The following TRHDE variants were observed in gnomAD, a reference collection of about 807,000 sequenced individuals.
The protein encoded by TRHDE is thyrotropin releasing hormone degrading enzyme.
A neutral mutation model predicts 125.7 loss-of-function variants in TRHDE; 72 were observed. The observed-to-expected ratio is 0.57, with a 90% confidence interval of 0.47 to 0.70. The LOEUF (loss-of-function observed/expected upper bound fraction) is 0.70, where lower values mean the gene tolerates loss of function less well. Ranked by LOEUF, TRHDE falls within the 30% of genes least tolerant of loss-of-function variation. The probability of loss-of-function intolerance (pLI) is 0.00; values close to 1 mark genes in which losing one functional copy is unlikely to be tolerated. For missense variants in TRHDE, 1,110 were observed against 1,327.1 expected, an observed-to-expected ratio of 0.84 and a Z score of 2.54; for synonymous variants, 509 against 509.1, an observed-to-expected ratio of 1.00 and a Z score of 0.00.
At chr12:72,652,674 TGA>T (rs10610816) in intron 16 of TRHDE, among the ~76,000 whole-genome samples, 185 bp downstream of exon 16, 21,866 of 151,550 alleles carry the variant, frequency 0.14, 2,153 homozygotes, top group East Asian at 0.54. Context: ...TATCTTTTTA[TGA>T]GTATTTATTT....
At chr12:72,374,935 G>T (rs1316873469) in intron 2 of TRHDE, among the ~76,000 whole-genome samples, 1 of 152,146 alleles carries the variant, frequency 6.6e-6, no homozygotes, top group Non-Finnish European at 1.5e-5. Context: ...TAACTGACAT[G>T]TTCACCTTGG....
chr12:72,316,729 A>G (rs1868821128), intron 2 of TRHDE, among the ~76,000 whole-genome samples: 1 of 152,222 alleles, frequency 6.6e-6, no homozygotes, highest in Admixed American at 6.5e-5. Flanking sequence ...AGATCCCATC[A>G]TATGAATATG....
intron 2 of TRHDE, among the ~76,000 whole-genome samples, chr12:72,227,157 G>A (rs1487323238): frequency 1.3e-5 from 2 of 152,114 alleles, no homozygotes; most frequent in African/African-American, 4.8e-5. Context: ...AAATAACAGA[G>A]TAGATATTAA....
At chr12:72,213,521 C>T (rs547476388) in intron 2 of TRHDE, among the ~76,000 whole-genome samples, 5 of 152,250 alleles carry the variant, frequency 3.3e-5, no homozygotes, top group Non-Finnish European at 5.9e-5. Context: ...GAAACAGTGA[C>T]TTGCCCAAGG....
intron 13 of TRHDE, 55 bp downstream of exon 13, chr12:72,619,093 C>T: frequency 7.5e-7 from 1 of 1,329,878 alleles, no homozygotes; most frequent in Non-Finnish European, 1.0e-6. Context: ...ATTTTATTCT[C>T]TTTCTACTAT....
intron 3 of TRHDE, among the ~76,000 whole-genome samples, chr12:72,451,860 G>T (rs1046586191): frequency 5.3e-5 from 8 of 151,678 alleles, no homozygotes; most frequent in African/African-American, 1.2e-4. Flanking sequence ...ATGGCATCTT[G>T]CTCTGTTGGC....
intron 2 of TRHDE, among the ~76,000 whole-genome samples, chr12:72,365,484 A>C (rs1871303768): frequency 6.6e-6 from 1 of 152,104 alleles, no homozygotes; most frequent in South Asian, 2.1e-4. Context: ...CACTTGGAGA[A>C]AAATAACTGT....
At chr12:72,584,616 T>C (rs1162830427) in intron 12 of TRHDE, among the ~76,000 whole-genome samples, 1 of 152,194 alleles carries the variant, frequency 6.6e-6, no homozygotes, top group African/African-American at 2.4e-5. Context: ...TGAGATCATC[T>C]TTTTTAGATT....
chr12:72,414,887 A>G lies in TRHDE; in HGVS notation c.1315+36766A>G, dbSNP rs1175665181. Among the ~76,000 whole-genome samples the G allele has an allele frequency of 8.5e-5, 13 of 152,208 alleles. No individual in the cohort carries two copies. In the South Asian group the frequency reaches 2.7e-3, roughly 32 times the overall value. ...TGTTACTATGCTTTTATTTTTAATG[A>G]AAAAACTGCGATTCAGAAAATTTAA... On this transcript the variant is annotated intron_variant, in intron 3 of 18. Coordinates refer to ENST00000261180, the MANE Select transcript of TRHDE (RefSeq NM_013381.3).
chr12:72,415,298 T>C (rs370444298), intron 3 of TRHDE, among the ~76,000 whole-genome samples: 114 of 152,256 alleles, frequency 7.5e-4, no homozygotes, highest in African/African-American at 2.3e-3. Context: ...GATATTTTGA[T>C]ACAGGCATAC....
intron 2 of TRHDE, among the ~76,000 whole-genome samples, chr12:72,340,980 G>A (rs1424543781): frequency 6.6e-6 from 1 of 152,038 alleles, no homozygotes; most frequent in African/African-American, 2.4e-5. Context: ...ACCCAGCTAA[G>A]CCATGGTATT....
intron 2 of TRHDE, among the ~76,000 whole-genome samples, chr12:72,187,310 AACACACACACACACACACACACAC>A (rs59164233): frequency 0.02 from 2,589 of 131,338 alleles, 75 homozygotes; most frequent in Admixed American, 0.074. Flanking sequence ...AGAGAAACAC[AACACACACACACACACACACACAC>A]ACACACACAC....
chr12:72,203,058 T>C (rs1202803264), intron 2 of TRHDE, among the ~76,000 whole-genome samples: 3 of 152,196 alleles, frequency 2.0e-5, no homozygotes, highest in Admixed American at 2.0e-4. Flanking sequence ...TGCTATCTCT[T>C]ACACATAGTG....
intron 17 of TRHDE, among the ~76,000 whole-genome samples, chr12:72,653,916 C>T (rs1592598321): frequency 6.6e-6 from 1 of 152,100 alleles, no homozygotes; most frequent in South Asian, 2.1e-4. Context: ...TTTAAGCATA[C>T]CTTCATCAGT....
At chr12:72,274,396 C>G (rs12306541) in intron 1 of TRHDE, 1 of 151,994 alleles carries the variant, frequency 6.6e-6, no homozygotes, top group Non-Finnish European at 1.5e-5. Context: ...AAAAAATTTC[C>G]GAGAGGCCGT....
intron 10 of TRHDE, among the ~76,000 whole-genome samples, chr12:72,573,484 A>C (rs546764255): frequency 6.6e-6 from 1 of 152,054 alleles, no homozygotes; most frequent in East Asian, 1.9e-4. Context: ...AGTACATATA[A>C]ATGTCTTCTT....
intron 1 of TRHDE, among the ~76,000 whole-genome samples, chr12:72,276,591 G>A (rs1240652047): frequency 6.6e-6 from 1 of 152,180 alleles, no homozygotes; most frequent in Non-Finnish European, 1.5e-5. Context: ...CCACCTCTGG[G>A]TGTTGTAAGT....
chr12:72,303,849 A>T (rs931460687), intron 2 of TRHDE, among the ~76,000 whole-genome samples: 3 of 152,160 alleles, frequency 2.0e-5, no homozygotes, highest in African/African-American at 7.2e-5. Flanking sequence ...GGGGTTCTTA[A>T]ACTAAGGATC....
intron 1 of TRHDE, among the ~76,000 whole-genome samples, chr12:72,275,359 G>A (rs1879446705): frequency 6.6e-6 from 1 of 152,184 alleles, no homozygotes; most frequent in African/African-American, 2.4e-5. Context: ...CTGTATGATA[G>A]TTAAAACCTC....
Sources: gnomAD v4.1 joint callset for allele counts (sites outside exome capture counted in the v4.1 genomes callset) on GRCh38, gnomAD v4.1.1 for gene constraint, MANE v1.5 for transcripts, NCBI Gene and HGNC (gene_info 2026-07-23, HGNC 2026-07-21) for gene names.